Variants in MAP3K6 observed in about 807,000 individuals in gnomAD.
MAP3K6 encodes apoptosis signal-regulating kinase 2.
A neutral mutation model predicts 147.1 loss-of-function variants in MAP3K6; 105 were observed. The ratio of observed to expected loss-of-function variants is 0.71; its 90% CI spans 0.61 to 0.84. The LOEUF (loss-of-function observed/expected upper bound fraction) is 0.84, where lower values mean the gene tolerates loss of function less well. Ranked by LOEUF, MAP3K6 falls within the 40% of genes least tolerant of loss-of-function variation. The probability of loss-of-function intolerance (pLI) is 0.00; values close to 1 mark genes in which losing one functional copy is unlikely to be tolerated. For synonymous variants in MAP3K6, 695 were observed against 732.4 expected, an observed-to-expected ratio of 0.95 and a Z score of 0.82; for missense variants, 1,569 against 1,715.0, an observed-to-expected ratio of 0.91 and a Z score of 1.50.
Position 27,357,694 on chromosome 1 carries a change from T to A in MAP3K6, c.3081+17A>T, listed in dbSNP as rs374105293. On this transcript the variant is annotated intron_variant, in intron 22 of 28. Coordinates refer to ENST00000357582, the MANE Select transcript of MAP3K6 (RefSeq NM_004672.5). ...ACCCTTTGCGACCACCAGGGGGCGCTAGAGTGGGCCGCCCACCTGCTCTTG... is the reference window on the plus strand; with the variant it reads ...ACCCTTTGCGACCACCAGGGGGCGCAAGAGTGGGCCGCCCACCTGCTCTTG... 5 of 1,608,394 alleles carry A rather than the reference T, an allele frequency of 3.1e-6. No homozygotes were observed. Among genetic ancestry groups the A allele is most frequent in the Non-Finnish European group, 4.2e-6 (5 of 1,179,164 alleles).
In MAP3K6 at chr1:27,355,336, C is replaced by A. The variant is rs1471515372; in HGVS notation, c.*55G>T. The A allele has an allele frequency of 6.6e-7, 1 of 1,519,298 alleles. No homozygotes were observed. The highest frequency in any genetic ancestry group is 1.1e-5 in the South Asian group (1 of 89,252). 94.1% of individuals were successfully genotyped at this position (1,519,298 alleles called of 1,614,324 possible). A position where few individuals can be genotyped will look rare whatever the true frequency, so the allele number is the denominator to read the frequency against. ...TGGTGTGTCAGAAGCTGCCTTTGTC[C>A]TCTCCATTCATCCATCCTTGGGCCT... On this transcript the variant is annotated 3_prime_UTR_variant, in exon 29 of 29. Coordinates refer to ENST00000357582, the MANE Select transcript of MAP3K6 (RefSeq NM_004672.5).
At position 27,359,757 on chromosome 1, in the gene MAP3K6, C is replaced by A; in HGVS notation, c.2319+101G>T. The A allele has an allele frequency of 6.5e-7, 1 of 1,543,258 alleles. No individual in the cohort carries two copies. Among genetic ancestry groups the A allele is most frequent in the Non-Finnish European group, 8.8e-7 (1 of 1,131,318 alleles). On this transcript the variant is annotated intron_variant, in intron 17 of 28. Transcript: ENST00000357582. This position sits in a 1 kb window ranked among gnomAD's most constrained non-coding sequence, Gnocchi z 4.4. Reference sequence around the variant, plus strand: ...CTGATGAATTCCCTACCCTTTGCAACAGGTCTGCTCACTTAATCTAAACTG... The same window carrying A: ...CTGATGAATTCCCTACCCTTTGCAAAAGGTCTGCTCACTTAATCTAAACTG...
At chr1:27,362,024 G>A (rs1008132062) in intron 9 of MAP3K6, 67 bp downstream of exon 9, 7 of 1,551,884 alleles carry the variant, frequency 4.5e-6, no homozygotes, top group Non-Finnish European at 6.1e-6. Context: ...AGTCTAGCAT[G>A]CCAATGGACA....
rs539936762 is a variant in MAP3K6 at position 27,357,848 on chromosome 1, G to C, written c.2944C>G (p.Pro982Ala). The C allele has an allele frequency of 1.9e-6, 3 of 1,596,926 alleles. No individual in the cohort carries two copies. Among genetic ancestry groups the C allele is most frequent in the East Asian group, 2.3e-5 (1 of 44,288 alleles). ...RVPEEPAAEE[P>A]ASPEESSGLS... ...CCCGAACTCTCCTCCGGAGACGCAG[G>C]CTCCTCGGCCGCAGGCTCCTCGGGC... is the stretch of plus-strand genomic sequence containing the variant. The change falls in exon 22 of 29, where the codon CCT becomes GCT. Residue 982 changes from proline (P) to alanine (A), a missense_variant. By Grantham distance (27) the Pro-to-Ala change is conservative. Transcript: ENST00000357582.
At position 27,366,601 on chromosome 1, in the gene MAP3K6, G is replaced by T. The variant is rs2015998035; in HGVS notation, c.-4C>A. The stretch of plus-strand genomic sequence containing the variant: ...ACCGGGGACACGGCCCCGCCATGCG[G>T]GGGCGCTCAGGCGCGGGGCGCCGCG... On this transcript the variant is annotated 5_prime_UTR_variant, in exon 1 of 29. Transcript: ENST00000357582. This position sits in a 1 kb window ranked among gnomAD's most constrained non-coding sequence, Gnocchi z 5.5. 8 of 1,077,374 alleles carry T rather than the reference G, an allele frequency of 7.4e-6. No individual in the cohort carries two copies. In the South Asian group the frequency reaches 3.6e-4, roughly 48 times the overall value. The allele number at this position is 1,077,374 out of a possible 1,614,324, so 66.7% of individuals were successfully genotyped here.
At position 27,359,887 on chromosome 1, in the gene MAP3K6, C is replaced by T. The variant is rs778998677; in HGVS notation, c.2290G>A (p.Asp764Asn). The change falls in exon 17 of 29, where the codon GAC becomes AAC. Residue 764 changes from aspartate to asparagine, a missense_variant. Coordinates refer to ENST00000357582, the MANE Select transcript of MAP3K6 (RefSeq NM_004672.5). This position sits in a 1 kb window ranked among gnomAD's most constrained non-coding sequence, Gnocchi z 4.4. ...QILQGLGYLH[D>N]NHIVHRDIKG... The stretch of plus-strand genomic sequence containing the variant: ...ATGTCCCTGTGCACGATGTGGTTGT[C>T]GTGCAAGTAGCCAAGTCCCTGCAGG... 14 of 1,614,146 alleles carry T rather than the reference C, an allele frequency of 8.7e-6. No individual in the cohort carries two copies. Among genetic ancestry groups the T allele is most frequent in the Non-Finnish European group, 1.2e-5 (14 of 1,180,008 alleles).
Position 27,358,617 on chromosome 1 carries a change from G to A in MAP3K6, c.2584-6C>T, listed in dbSNP as rs41291096. On this transcript the variant is annotated splice_polypyrimidine_tract_variant and splice_region_variant and intron_variant, in intron 19 of 28. Coordinates refer to ENST00000357582, the MANE Select transcript of MAP3K6 (RefSeq NM_004672.5). This position sits in a 1 kb window ranked among gnomAD's most constrained non-coding sequence, Gnocchi z 6.2. ...TGGACCTTGTACATACCCACCTGTG[G>A]GGGGAGGGTGAACAAGGGTGACATT... 88,723 of 1,613,536 alleles carry A rather than the reference G, an allele frequency of 0.055. 2,769 individuals are homozygous for A. Among genetic ancestry groups the A allele is most frequent in the Non-Finnish European group, 0.064 (75,742 of 1,179,776 alleles).
Position 27,362,159 on chromosome 1 carries a change from G to A in MAP3K6, c.1347C>T (p.Ile449=). Reference sequence around the variant, plus strand: ...CCACCTGGGTGGGGTCATTGGCGAGGATCTGGGCTCCCAGGTAGAAACCCA... The same window carrying A: ...CCACCTGGGTGGGGTCATTGGCGAGAATCTGGGCTCCCAGGTAGAAACCCA... ...WDVGFYLGAQ[I]LANDPTQVVL... is the part of the protein sequence containing the mutation. Residue 449 remains isoleucine (I), a synonymous_variant, in exon 9 of 29, where the codon ATC becomes ATT. Transcript: ENST00000357582. 2 of 1,613,714 alleles carry A rather than the reference G, an allele frequency of 1.2e-6. No homozygotes were observed.
In MAP3K6 at chr1:27,358,781, G is replaced by A; in HGVS notation, c.2511C>T (p.Cys837=). 2 of 1,613,904 alleles carry A rather than the reference G, an allele frequency of 1.2e-6. No homozygotes were observed. The highest frequency in any genetic ancestry group is 1.7e-6 in the Non-Finnish European group (2 of 1,179,934). ...GKAADIWSLG[C]TVIEMATGRP... is the part of the protein sequence containing the mutation. ...GACCTGTGGCCATCTCAATGACAGT[G>A]CAGCCCAGTGACCAGATGTCAGCTG... is the stretch of plus-strand genomic sequence containing the variant. The change falls in exon 19 of 29, where the codon TGC becomes TGT. Residue 837 remains cysteine, a synonymous_variant. Coordinates refer to ENST00000357582, the MANE Select transcript of MAP3K6 (RefSeq NM_004672.5). This position sits in a 1 kb window ranked among gnomAD's most constrained non-coding sequence, Gnocchi z 6.2.
chr1:27,358,415 G>T lies in MAP3K6; in HGVS notation c.2776+4C>A. On this transcript the variant is annotated splice_donor_region_variant and intron_variant, in intron 20 of 28. Coordinates refer to ENST00000357582, the MANE Select transcript of MAP3K6 (RefSeq NM_004672.5). This position sits in a 1 kb window ranked among gnomAD's most constrained non-coding sequence, Gnocchi z 6.2. ...ACTGTGCCCATCCCGCCACCCGCAAGCACCTGAGGGCCGTGGAGCATGTCG... is the reference window on the plus strand; with the variant it reads ...ACTGTGCCCATCCCGCCACCCGCAATCACCTGAGGGCCGTGGAGCATGTCG... 6.3e-7 allele frequency: 1 copy of T among 1,582,024 alleles called. No homozygotes were observed. Among genetic ancestry groups the T allele is most frequent in the South Asian group, 1.2e-5 (1 of 86,576 alleles).
rs377223592 is a variant in MAP3K6 at position 27,361,539 on chromosome 1, A to G, written c.1667T>C (p.Leu556Pro). The change falls in exon 11 of 29, where the codon CTG (leucine) becomes CCG (proline). Residue 556 changes from leucine (L) to proline (P), a missense_variant. Coordinates refer to ENST00000357582, the MANE Select transcript of MAP3K6 (RefSeq NM_004672.5). ...TDPVSTVTLS[L>P]LEPETQDIPS... is the part of the protein sequence containing the mutation. ...CTTCACCTGGGTCTCAGGCTCCAGC[A>G]GGCTCAGGGTCACTGTGCTTACTGG... 60 of 1,614,104 alleles carry G rather than the reference A, an allele frequency of 3.7e-5. No individual in the cohort carries two copies. The highest frequency in any genetic ancestry group is 5.0e-5 in the Non-Finnish European group (59 of 1,180,044).
Position 27,357,876 on chromosome 1 carries a change from C to A in MAP3K6, c.2916G>T (p.Arg972=). 6.3e-7 allele frequency: 1 copy of A among 1,588,354 alleles called. No individual in the cohort carries two copies. Among genetic ancestry groups the A allele is most frequent in the East Asian group, 2.3e-5 (1 of 44,000 alleles). ...CLSYGGTSQL[R]VPEEPAAEEP... Reference sequence around the variant, plus strand: ...CCTCGGCCGCAGGCTCCTCGGGCACCCTGGGCACAAGGGCGAGCTGCTGAT... The same window carrying A: ...CCTCGGCCGCAGGCTCCTCGGGCACACTGGGCACAAGGGCGAGCTGCTGAT... Residue 972 remains arginine, a splice_region_variant and synonymous_variant, in exon 22 of 29, where the codon CGG becomes CGT. Transcript: ENST00000357582.
chr1:27,358,451 G>A lies in MAP3K6; in HGVS notation c.2744C>T (p.Pro915Leu), dbSNP rs568311916. ...FLQPGKRSRSPSSPRHAPRPS... is the reference protein window; with the variant it reads ...FLQPGKRSRSLSSPRHAPRPS... The stretch of plus-strand genomic sequence containing the variant: ...CCGTGGAGCATGTCGTGGGGAGCTG[G>A]GGCTGCGGCTCCTTTTCCCAGGCTG... Residue 915 changes from proline to leucine, a missense_variant, in exon 20 of 29, where the codon CCC (proline) becomes CTC (leucine). Pro to Leu is a moderately conservative substitution (Grantham distance 98). Transcript: ENST00000357582. The surrounding 1 kb of genome is among the most constrained non-coding windows in gnomAD (Gnocchi z 6.2). The A allele has an allele frequency of 6.3e-7, 1 of 1,594,622 alleles. No individual in the cohort carries two copies. The highest frequency in any genetic ancestry group is 1.1e-5 in the South Asian group (1 of 88,776).
At position 27,355,428 on chromosome 1, in the gene MAP3K6, TG is replaced by T. The variant is rs1424156156; in HGVS notation, c.3829del (p.Gln1277SerfsTer15). ...GGTGACTGGTGTGGATCCTGCTCGC[TG>T]TGCCAAGATGGCCCTCCAGATGCGG... ...VCRIWRAILA[Q>X]RAGSTPVTSG... On this transcript the variant is annotated frameshift_variant, in exon 29 of 29. Transcript: ENST00000357582. LOFTEE classifies it high-confidence loss of function. 6.2e-7 allele frequency: 1 copy of T among 1,614,152 alleles called. No homozygotes were observed. Among genetic ancestry groups the T allele is most frequent in the Non-Finnish European group, 8.5e-7 (1 of 1,180,016 alleles).
chr1:27,359,322 C>T lies in MAP3K6; in HGVS notation c.2425+95G>A, dbSNP rs1324855381. 6 of 1,572,704 alleles carry T rather than the reference C, an allele frequency of 3.8e-6. No homozygotes were observed. Among genetic ancestry groups the T allele is most frequent in the Non-Finnish European group, 4.3e-6 (5 of 1,151,038 alleles). On this transcript the variant is annotated intron_variant, in intron 18 of 28. Transcript: ENST00000357582. This position sits in a 1 kb window ranked among gnomAD's most constrained non-coding sequence, Gnocchi z 4.4. The stretch of plus-strand genomic sequence containing the variant: ...GTTTCATTCCCCATTAGGACTCTAA[C>T]TCCATGCCTAGGAGAAACCCCCTTC...
chr1:27,364,715 TTC>T lies in MAP3K6; in HGVS notation c.481-33_481-32del. 1.2e-6 allele frequency: 2 copies of T among 1,614,076 alleles called. No homozygotes were observed. The highest frequency in any genetic ancestry group is 1.7e-6 in the Non-Finnish European group (2 of 1,179,988). ...GGAGGCAGACAGTCAGATACTGGTG[TTC>T]TGTGTAGGCCTTACCCCAGCCCTGT... On this transcript the variant is annotated intron_variant, in intron 2 of 28. Transcript: ENST00000357582. This position sits in a 1 kb window ranked among gnomAD's most constrained non-coding sequence, Gnocchi z 4.4.
Position 27,364,649 on chromosome 1 carries a change from G to A in MAP3K6, c.504+12C>T. On this transcript the variant is annotated intron_variant, in intron 3 of 28. Coordinates refer to ENST00000357582, the MANE Select transcript of MAP3K6 (RefSeq NM_004672.5). This position sits in a 1 kb window ranked among gnomAD's most constrained non-coding sequence, Gnocchi z 4.4. Reference sequence around the variant, plus strand: ...AAAGGGCACTTTTGAGTGAGAGGTGGATTCTGCTCACCGAGTTCTTCTGGA... The same window carrying A: ...AAAGGGCACTTTTGAGTGAGAGGTGAATTCTGCTCACCGAGTTCTTCTGGA... 6.2e-7 allele frequency: 1 copy of A among 1,614,194 alleles called. No individual in the cohort carries two copies. Among genetic ancestry groups the A allele is most frequent in the Non-Finnish European group, 8.5e-7 (1 of 1,180,024 alleles).
intron 5 of MAP3K6, 130 bp from the exon 6 acceptor site, chr1:27,363,678 G>A (rs2015868388): frequency 3.7e-6 from 3 of 803,138 alleles, no homozygotes; most frequent in Admixed American, 2.8e-5. Context: ...CAGGCCCAGC[G>A]GACACACCTC....
chr1:27,359,723 G>A lies in MAP3K6; in HGVS notation c.2319+135C>T. On this transcript the variant is annotated intron_variant, in intron 17 of 28. Transcript: ENST00000357582. This position sits in a 1 kb window ranked among gnomAD's most constrained non-coding sequence, Gnocchi z 4.4. ...CTGAACCTTTCCCCTCCTTCTCTAAGGAGCCTCCCTGATGAATTCCCTACC... is the reference window on the plus strand; with the variant it reads ...CTGAACCTTTCCCCTCCTTCTCTAAAGAGCCTCCCTGATGAATTCCCTACC... 1 of 1,426,042 alleles carries A rather than the reference G, an allele frequency of 7.0e-7. No individual in the cohort carries two copies. The highest frequency in any genetic ancestry group is 9.5e-7 in the Non-Finnish European group (1 of 1,048,302). 88.3% of individuals were successfully genotyped at this position (1,426,042 alleles called of 1,614,324 possible).
Sources: allele counts gnomAD v4.1 joint callset, GRCh38; gene constraint gnomAD v4.1.1; non-coding constraint Gnocchi (gnomAD v3.1); transcripts MANE v1.5; gene names NCBI Gene and HGNC (gene_info 2026-07-23, HGNC 2026-07-21).